HPSE2: variants seen among roughly 807,000 people sequenced by gnomAD.
HPSE2 encodes the protein heparanase 2 (inactive).
HPSE2 carries 38 observed loss-of-function variants against 60.5 expected under a neutral mutation model. The observed-to-expected ratio is 0.63, with a 90% confidence interval of 0.48 to 0.82. HPSE2 has a LOEUF of 0.82. Ranked by LOEUF, HPSE2 falls within the 40% of genes least tolerant of loss-of-function variation. The pLI is 0.00. For synonymous variants in HPSE2, 295 were observed against 293.2 expected (o/e 1.01, Z -0.06); for missense variants, 713 against 740.4 (o/e 0.96, Z 0.43).
intron 4 of HPSE2, among the ~76,000 whole-genome samples, chr10:98,741,406 G>T (rs139102961): frequency 1.3e-5 from 2 of 152,094 alleles, no homozygotes; most frequent in Non-Finnish European, 2.9e-5. Flanking sequence ...ATTTTTTTAA[G>T]TGTAATTAGC....
chr10:98,730,363 A>G (rs1252243738), intron 4 of HPSE2, among the ~76,000 whole-genome samples: 3 of 152,164 alleles, frequency 2.0e-5, no homozygotes, highest in African/African-American at 7.2e-5. Flanking sequence ...TTAGGTGCCT[A>G]TATTAGAAAT....
At chr10:98,669,922 T>C (rs900433989) in intron 6 of HPSE2, among the ~76,000 whole-genome samples, 1 of 151,292 alleles carries the variant, frequency 6.6e-6, no homozygotes, top group African/African-American at 2.4e-5. Flanking sequence ...ACAAAGAGGG[T>C]TGAGATGGGG....
chr10:98,717,419 G>A (rs1444570995), intron 5 of HPSE2, among the ~76,000 whole-genome samples: 3 of 152,082 alleles, frequency 2.0e-5, no homozygotes, highest in African/African-American at 7.2e-5. Context: ...CTAGCATTCA[G>A]CCTGTCATGG....
At chr10:99,235,872 G>A (rs901869518), upstream of HPSE2, 15 of 1,380,538 alleles carry the variant, frequency 1.1e-5, no homozygotes, top group Admixed American at 2.6e-4. Flanking sequence ...TATCTAAAGT[G>A]TGTGTCTGTC....
At chr10:98,715,396 A>G (rs1003773189) in intron 5 of HPSE2, among the ~76,000 whole-genome samples, 4 of 151,992 alleles carry the variant, frequency 2.6e-5, no homozygotes, top group African/African-American at 4.8e-5. Flanking sequence ...AAGGATACCA[A>G]TTACAGATTT....
intron 6 of HPSE2, among the ~76,000 whole-genome samples, chr10:98,670,201 C>CT (rs1565065862): frequency 6.6e-6 from 1 of 152,142 alleles, no homozygotes; most frequent in Non-Finnish European, 1.5e-5. Context: ...GCAGGCCACT[C>CT]TAAGGGCTTT....
intron 3 of HPSE2, among the ~76,000 whole-genome samples, chr10:99,075,136 T>A (rs1842916060): frequency 6.6e-6 from 1 of 152,148 alleles, no homozygotes; most frequent in Non-Finnish European, 1.5e-5. Flanking sequence ...TTACTTGAGA[T>A]CTCTTTCTTT....
rs143637617 is a variant in HPSE2 at position 98,753,748 on chromosome 10, T to G, written c.611-9692A>C. Among the ~76,000 whole-genome samples the G allele has an allele frequency of 6.2e-4, 95 of 152,288 alleles. No individual in the cohort carries two copies. The East Asian group carries it at 0.017, about 27-fold the overall frequency. On this transcript the variant is annotated intron_variant, in intron 3 of 11. Transcript: ENST00000370552. ...AGCATGCAGCCCAGAAATGCTTAGCTGAGCCTCGGCCCCTGAAATCCAGAA... is the reference window on the plus strand; with the variant it reads ...AGCATGCAGCCCAGAAATGCTTAGCGGAGCCTCGGCCCCTGAAATCCAGAA...
chr10:98,978,301 CCT>C (rs1271836076), intron 3 of HPSE2, among the ~76,000 whole-genome samples: 4 of 151,834 alleles, frequency 2.6e-5, no homozygotes, highest in East Asian at 3.9e-4. Context: ...AAAAAAAATC[CCT>C]GTTATTTATT....
At chr10:99,113,661 G>A (rs1409283541) in intron 3 of HPSE2, among the ~76,000 whole-genome samples, 1 of 151,964 alleles carries the variant, frequency 6.6e-6, no homozygotes, top group Admixed American at 6.6e-5. Context: ...ATTATGTTCT[G>A]GGCATTATAT....
intron 3 of HPSE2, among the ~76,000 whole-genome samples, chr10:98,772,245 C>A (rs10883197): frequency 0.71 from 107,649 of 152,014 alleles, 39,141 homozygotes; most frequent in Non-Finnish European, 0.81. Flanking sequence ...GCATGACATC[C>A]CCAGGGGCAA....
At chr10:98,872,673 C>G (rs1486095396) in intron 3 of HPSE2, among the ~76,000 whole-genome samples, 2 of 152,088 alleles carry the variant, frequency 1.3e-5, no homozygotes, top group Non-Finnish European at 2.9e-5. Context: ...ATATTTTGAG[C>G]AATGATAATT....
the HPSE2 span, among the ~76,000 whole-genome samples, chr10:99,258,591 G>C: frequency 6.6e-6 from 1 of 152,046 alleles, no homozygotes; most frequent in Admixed American, 6.5e-5. Flanking sequence ...GTCTGAAAAA[G>C]GACAAATTTG....
intron 6 of HPSE2, among the ~76,000 whole-genome samples, chr10:98,643,380 G>A (rs1946686140): frequency 6.6e-6 from 1 of 152,112 alleles, no homozygotes; most frequent in African/African-American, 2.4e-5. Context: ...TCACAAAGAT[G>A]GGATTATAAA....
At chr10:98,505,778 T>C (rs1404593989) in intron 9 of HPSE2, among the ~76,000 whole-genome samples, 2 of 152,190 alleles carry the variant, frequency 1.3e-5, no homozygotes, top group Admixed American at 6.5e-5. Context: ...ATTTATTACA[T>C]CATCTCTCCT....
At chr10:98,983,764 G>C (rs370309966) in intron 3 of HPSE2, among the ~76,000 whole-genome samples, 3 of 152,172 alleles carry the variant, frequency 2.0e-5, no homozygotes, top group Non-Finnish European at 4.4e-5. Flanking sequence ...GGTGACAGAC[G>C]GCACCTGGAA....
intron 3 of HPSE2, among the ~76,000 whole-genome samples, chr10:99,057,958 A>G (rs539430141): frequency 1.3e-5 from 2 of 152,228 alleles, no homozygotes; most frequent in South Asian, 2.1e-4. Context: ...TCGCAAAACC[A>G]TATTTTATAT....
the HPSE2 span, among the ~76,000 whole-genome samples, chr10:99,280,794 C>T: frequency 6.6e-6 from 1 of 152,154 alleles, no homozygotes; most frequent in South Asian, 2.1e-4. Context: ...CCAGACTCCT[C>T]CATTTAATTG....
At chr10:98,530,766 T>C (rs951366322) in intron 9 of HPSE2, among the ~76,000 whole-genome samples, 1 of 152,140 alleles carries the variant, frequency 6.6e-6, no homozygotes, top group Non-Finnish European at 1.5e-5. Flanking sequence ...GAGTCAGATG[T>C]AGGAAAGGAT....
Sources: gnomAD v4.1 joint callset for allele counts (sites outside exome capture counted in the v4.1 genomes callset) on GRCh38, gnomAD v4.1.1 for gene constraint, MANE v1.5 for transcripts, NCBI Gene and HGNC (gene_info 2026-07-23, HGNC 2026-07-21) for gene names.